Variants in PVALEF observed in about 807,000 individuals in gnomAD.
The protein encoded by PVALEF is parvalbumin-like EF-hand-containing protein.
PVALEF carries 2 observed loss-of-function variants against 1.2 expected under a neutral mutation model. The ratio of observed to expected loss-of-function variants is 1.68; its 90% CI spans 0.69 to 5.28. The LOEUF (loss-of-function observed/expected upper bound fraction) is 5.28, where lower values mean the gene tolerates loss of function less well. Ranked by LOEUF, PVALEF falls within the 30% of genes most tolerant of loss-of-function variation. The pLI, the probability that PVALEF is intolerant of heterozygous loss-of-function variation, is 0.06. For missense variants in PVALEF, 35 were observed against 17.7 expected (o/e 1.97, Z -1.75); for synonymous variants, 16 against 6.5 (o/e 2.47, Z -2.24).
chr17:81,174,252 C>T (rs562674473), intron 2 of PVALEF, among the ~76,000 whole-genome samples: 3 of 152,164 alleles, frequency 2.0e-5, no homozygotes, highest in Non-Finnish European at 4.4e-5. Flanking sequence ...TGTCCACTCT[C>T]GCCACTCCTG....
At chr17:81,169,927 T>C (rs1482793843) in intron 2 of PVALEF, among the ~76,000 whole-genome samples, 1 of 148,920 alleles carries the variant, frequency 6.7e-6, no homozygotes, top group African/African-American at 2.6e-5. Context: ...TGTGTGTGCA[T>C]GTGTGTCTGC....
Position 81,173,148 on chromosome 17 carries a change from C to T in PVALEF, c.-339-5770C>T, listed in dbSNP as rs577592420. Among the ~76,000 whole-genome samples, 11 of 152,234 alleles carry T rather than the reference C, an allele frequency of 7.2e-5. No homozygotes were observed. The East Asian group carries it at 9.7e-4, about 13-fold the overall frequency. On this transcript the variant is annotated intron_variant, in intron 2 of 6. Transcript: ENST00000637878. ...GGCCCTACCCTATGAGAGATGCCGGCGAGGGGAGAGGTGCTCGCAGAAGCC... is the reference window on the plus strand; with the variant it reads ...GGCCCTACCCTATGAGAGATGCCGGTGAGGGGAGAGGTGCTCGCAGAAGCC...
At chr17:81,173,080 A>G (rs1194791519) in intron 2 of PVALEF, among the ~76,000 whole-genome samples, 1 of 152,126 alleles carries the variant, frequency 6.6e-6, no homozygotes, top group Non-Finnish European at 1.5e-5. Context: ...CTCCTCGGTG[A>G]TGTGTACCTG....
Position 81,165,559 on chromosome 17 carries a change from G to T in PVALEF, c.-696G>T. ...TCCCACGCCAGGGCCCCGGACCCAG[G>T]AGAGGCCATGGAAAGCCTGAACCCC... On this transcript the variant is annotated 5_prime_UTR_variant, in exon 1 of 7. Transcript: ENST00000637878. 1 of 1,101,880 alleles carries T rather than the reference G, an allele frequency of 9.1e-7. No individual in the cohort carries two copies. The highest frequency in any genetic ancestry group is 1.2e-6 in the Non-Finnish European group (1 of 804,394). 68.3% of individuals were successfully genotyped at this position (1,101,880 alleles called of 1,614,324 possible).
intron 2 of PVALEF, among the ~76,000 whole-genome samples, chr17:81,177,999 G>A (rs895659578): frequency 6.6e-6 from 1 of 152,106 alleles, no homozygotes; most frequent in African/African-American, 2.4e-5. Context: ...GAGGCTCCAG[G>A]TGGCCCTGAC....
intron 3 of PVALEF, among the ~76,000 whole-genome samples, chr17:81,179,877 G>A (rs1418207883): frequency 6.6e-6 from 1 of 152,124 alleles, no homozygotes; most frequent in African/African-American, 2.4e-5. Context: ...AGCTGTGGAG[G>A]GTGGGTAAAG....
rs1418405351 is a variant in PVALEF at position 81,179,109 on chromosome 17, A to C, written c.-148A>C. 2 of 428,160 alleles carry C rather than the reference A, an allele frequency of 4.7e-6. No homozygotes were observed. The highest frequency in any genetic ancestry group is 2.0e-5 in the African/African-American group (1 of 48,922). 26.5% of individuals were successfully genotyped at this position (428,160 alleles called of 1,614,324 possible). A position where few individuals can be genotyped will look rare whatever the true frequency, so the allele number is the denominator to read the frequency against. On this transcript the variant is annotated 5_prime_UTR_variant, in exon 3 of 7. Transcript: ENST00000637878. Reference sequence around the variant, plus strand: ...GAGCCCCTGGGCCTCTCCACACCCCAGCCTGACCCACCTTCCAGAACTCTC... The same window carrying C: ...GAGCCCCTGGGCCTCTCCACACCCCCGCCTGACCCACCTTCCAGAACTCTC...
chr17:81,168,326 G>C (rs1253547663), intron 2 of PVALEF, among the ~76,000 whole-genome samples: 1 of 152,190 alleles, frequency 6.6e-6, no homozygotes, highest in Non-Finnish European at 1.5e-5. Flanking sequence ...CACAGCTCAG[G>C]GGCTTCAAGC....
At chr17:81,180,792 G>C (rs571576833) in intron 3 of PVALEF, among the ~76,000 whole-genome samples, 46 of 152,190 alleles carry the variant, frequency 3.0e-4, no homozygotes, top group African/African-American at 1.0e-3. Context: ...GAGAACACAG[G>C]CCGCCCCTCC....
chr17:81,165,746 C>T lies in PVALEF; in HGVS notation c.-509C>T, dbSNP rs751397672. On this transcript the variant is annotated splice_region_variant and 5_prime_UTR_variant, in exon 1 of 7. Transcript: ENST00000637878. ...GGGACGCCAGCCCACAGGCGGAGGC[C>T]GGTTTGTGCTGGGGCCCAGGGCCTG... 5.9e-5 allele frequency: 90 copies of T among 1,525,062 alleles called. No individual in the cohort carries two copies. The highest frequency in any genetic ancestry group is 5.2e-4 in the Middle Eastern group (3 of 5,796). 94.5% of individuals were successfully genotyped at this position (1,525,062 alleles called of 1,614,324 possible).
chr17:81,166,214 T>G (rs1407982401), intron 1 of PVALEF: 3 of 132,888 alleles, frequency 2.3e-5, no homozygotes. Context: ...GCTCCGCTGG[T>G]GCAGTCCGAA....
intron 3 of PVALEF, among the ~76,000 whole-genome samples, chr17:81,179,623 C>T (rs1370663798): frequency 3.3e-5 from 5 of 152,168 alleles, no homozygotes. Flanking sequence ...CTCTGGTCCC[C>T]ACACTCTGCC....
intron 1 of PVALEF, 77 bp from the exon 2 acceptor site, chr17:81,166,599 TC>T (rs1481352868): frequency 2.3e-6 from 1 of 432,538 alleles, no homozygotes; most frequent in Non-Finnish European, 4.6e-6. Flanking sequence ...GTGGAAAGGT[TC>T]AGGGAGACAG....
chr17:81,176,926 CTTT>C (rs34506557), intron 2 of PVALEF, among the ~76,000 whole-genome samples: 1 of 130,918 alleles, frequency 7.6e-6, no homozygotes, highest in Non-Finnish European at 1.6e-5. Flanking sequence ...GTATTAGTCA[CTTT>C]TTTTTTTTTT....
At position 81,181,173 on chromosome 17, in the gene PVALEF, C is replaced by T; in HGVS notation, c.-54C>T. 1.4e-6 allele frequency: 1 copy of T among 700,290 alleles called. No individual in the cohort carries two copies. The highest frequency in any genetic ancestry group is 1.5e-5 in the South Asian group (1 of 66,332). The allele number at this position is 700,290 out of a possible 1,614,324, so 43.4% of individuals were successfully genotyped here. ...ACGTCTGCTCTGGCCCAAGCAGCAC[C>T]CCCAATCCGTGCGTGCACCCCACGA... On this transcript the variant is annotated 5_prime_UTR_variant, in exon 4 of 7. Coordinates refer to ENST00000637878, the MANE Select transcript of PVALEF (RefSeq NM_001354639.2).
chr17:81,174,487 G>A (rs1384439582), intron 2 of PVALEF, among the ~76,000 whole-genome samples: 4 of 151,820 alleles, frequency 2.6e-5, no homozygotes, highest in African/African-American at 7.3e-5. Flanking sequence ...AAAATTAGCC[G>A]GGTGTGATGG....
chr17:81,177,672 C>T (rs181032898), intron 2 of PVALEF, among the ~76,000 whole-genome samples: 10 of 152,196 alleles, frequency 6.6e-5, no homozygotes, highest in East Asian at 3.9e-4. Flanking sequence ...AGGCATCGAC[C>T]GAGCCTGGAC....
chr17:81,182,684 G>T (rs1456392052), intron 6 of PVALEF, among the ~76,000 whole-genome samples: 1 of 152,214 alleles, frequency 6.6e-6, no homozygotes, highest in Non-Finnish European at 1.5e-5. Context: ...GAATTCCTGA[G>T]AGTCTCTGCA....
intron 3 of PVALEF, among the ~76,000 whole-genome samples, 192 bp from the exon 4 acceptor site, chr17:81,180,931 C>T (rs560859602): frequency 1.4e-4 from 22 of 152,314 alleles, no homozygotes; most frequent in Middle Eastern, 3.4e-3. Context: ...CCCAACCCCC[C>T]CTGGGGACGG....
Sources: gnomAD v4.1 joint callset for allele counts (sites outside exome capture counted in the v4.1 genomes callset) on GRCh38, gnomAD v4.1.1 for gene constraint, MANE v1.5 for transcripts, NCBI Gene and HGNC (gene_info 2026-07-23, HGNC 2026-07-21) for gene names.